The following TBC1D5 variants were observed in gnomAD, a reference collection of about 807,000 sequenced individuals.
The protein encoded by TBC1D5 is TBC1 domain family member 5, also known as TBC1 domain family, member 5.
TBC1D5 carries 75 observed loss-of-function variants against 100.3 expected under a neutral mutation model. That is an observed-to-expected ratio of 0.75 (90% CI 0.62 to 0.91). The LOEUF (loss-of-function observed/expected upper bound fraction) is 0.91. TBC1D5 is among the 40% of genes least tolerant of loss of function. The pLI, the probability that TBC1D5 is intolerant of heterozygous loss-of-function variation, is 0.00. For synonymous variants in TBC1D5, 323 were observed against 325.6 expected (o/e 0.99, Z 0.09); for missense variants, 910 against 942.4 (o/e 0.97, Z 0.45).
At chr3:17,286,730 T>C (rs538139792) in intron 15 of TBC1D5, among the ~76,000 whole-genome samples, 1 of 152,318 alleles carries the variant, frequency 6.6e-6, no homozygotes, top group South Asian at 2.1e-4. Context: ...AGAATTTCTA[T>C]GAGAAATATG....
At chr3:17,415,317 C>G (rs2094038405) in intron 4 of TBC1D5, among the ~76,000 whole-genome samples, 1 of 151,930 alleles carries the variant, frequency 6.6e-6, no homozygotes, top group African/African-American at 2.4e-5. Flanking sequence ...ACCACCACGC[C>G]CGGCGAAATT....
chr3:17,274,155 A>T (rs1700854083), intron 15 of TBC1D5, among the ~76,000 whole-genome samples: 1 of 152,212 alleles, frequency 6.6e-6, no homozygotes, highest in Non-Finnish European at 1.5e-5. Flanking sequence ...TAATTTAAAA[A>T]ACATATACAT....
At chr3:17,254,108 G>A (rs1267867068) in intron 16 of TBC1D5, among the ~76,000 whole-genome samples, 3 of 152,164 alleles carry the variant, frequency 2.0e-5, no homozygotes, top group East Asian at 1.9e-4. Context: ...CTGGTCTCTT[G>A]TTGATGGAGA....
intron 4 of TBC1D5, among the ~76,000 whole-genome samples, chr3:17,411,098 A>G (rs866907963): frequency 2.0e-5 from 3 of 152,142 alleles, no homozygotes; most frequent in South Asian, 2.1e-4. Context: ...GTTACCCCCA[A>G]CCTTCAGCAA....
intron 1 of TBC1D5, among the ~76,000 whole-genome samples, chr3:17,656,699 T>C (rs935709840): frequency 2.0e-5 from 3 of 152,190 alleles, no homozygotes; most frequent in Admixed American, 2.0e-4. Flanking sequence ...TTCATTCCAG[T>C]GTATGTCAAA....
chr3:17,650,569 G>A (rs1258290930), intron 1 of TBC1D5, among the ~76,000 whole-genome samples: 1 of 152,072 alleles, frequency 6.6e-6, no homozygotes, highest in Admixed American at 6.5e-5. Flanking sequence ...AGAGAAACCA[G>A]AAGCCAAATT....
chr3:17,599,131 C>T (rs1414802798), intron 2 of TBC1D5, among the ~76,000 whole-genome samples: 1 of 152,158 alleles, frequency 6.6e-6, no homozygotes, highest in East Asian at 1.9e-4. Context: ...GAAAGTGATA[C>T]AGACAGGAGG....
At chr3:17,537,923 C>T (rs990570070) in intron 2 of TBC1D5, among the ~76,000 whole-genome samples, 2 of 152,118 alleles carry the variant, frequency 1.3e-5, no homozygotes, top group African/African-American at 4.8e-5. Context: ...CTCAGGAGGT[C>T]CTGACGACAT....
exon 1 of TBC1D5, chr3:17,740,699 A>C (rs1036673078): frequency 8.5e-5 from 13 of 152,320 alleles, no homozygotes; most frequent in Admixed American, 3.9e-4. Context: ...AAACTCAGGA[A>C]TGCACTACTC....
At chr3:17,463,366 G>C (rs536107329) in intron 3 of TBC1D5, among the ~76,000 whole-genome samples, 1 of 152,080 alleles carries the variant, frequency 6.6e-6, no homozygotes, top group Non-Finnish European at 1.5e-5. Flanking sequence ...TACTACAGTC[G>C]ATCATCTCAA....
intron 4 of TBC1D5, among the ~76,000 whole-genome samples, chr3:17,414,271 C>A (rs2094008191): frequency 6.6e-6 from 1 of 152,100 alleles, no homozygotes; most frequent in African/African-American, 2.4e-5. Context: ...GAAAGCTGAA[C>A]TTGATTCAAA....
chr3:17,583,860 T>C (rs1356177474), intron 2 of TBC1D5, among the ~76,000 whole-genome samples: 4 of 152,184 alleles, frequency 2.6e-5, no homozygotes, highest in African/African-American at 9.7e-5. Flanking sequence ...CCTAGGTACA[T>C]ACCCATATGA....
chr3:17,568,579 T>G (rs771112084), intron 2 of TBC1D5, among the ~76,000 whole-genome samples: 18 of 151,688 alleles, frequency 1.2e-4, no homozygotes, highest in Middle Eastern at 3.4e-3. Context: ...TTTGAAATTT[T>G]TACCAGAATT....
chr3:17,298,228 G>A (rs1003101918), intron 14 of TBC1D5, among the ~76,000 whole-genome samples: 10 of 152,228 alleles, frequency 6.6e-5, no homozygotes, highest in African/African-American at 2.2e-4. Flanking sequence ...AAGTACACAA[G>A]GTATTTAAGA....
chr3:17,248,418 T>C (rs1275310573), intron 16 of TBC1D5, among the ~76,000 whole-genome samples: 1 of 152,252 alleles, frequency 6.6e-6, no homozygotes, highest in Admixed American at 6.5e-5. Flanking sequence ...ATGTTCTTAA[T>C]GGCATCCAGA....
At position 17,706,158 on chromosome 3, in the gene TBC1D5, G is replaced by A. The variant is rs1049708592; in HGVS notation, c.-101+33185C>T. On this transcript the variant is annotated intron_variant, in intron 1 of 21. Coordinates refer to ENST00000253692, the Ensembl canonical transcript of TBC1D5. ...GAGGCAAAGGCTGCAGTTGATGGGG[G>A]AGACATCGGCAGGCAGCCGCTCGAA... The A allele has an allele frequency of 2.5e-6, 4 of 1,583,172 alleles. No homozygotes were observed. The Admixed American group carries it at 5.4e-5, about 21-fold the overall frequency.
chr3:17,337,163 C>T (rs1196235575), intron 13 of TBC1D5, among the ~76,000 whole-genome samples: 1 of 141,078 alleles, frequency 7.1e-6, no homozygotes, highest in Non-Finnish European at 1.5e-5. Context: ...CTGGGCCCTA[C>T]CCACAGAGTT....
At chr3:17,413,092 T>C (rs2093979847) in intron 4 of TBC1D5, among the ~76,000 whole-genome samples, 1 of 152,210 alleles carries the variant, frequency 6.6e-6, no homozygotes, top group Non-Finnish European at 1.5e-5. Flanking sequence ...CACCTGGACC[T>C]TGAAGATTTC....
intron 18 of TBC1D5, among the ~76,000 whole-genome samples, chr3:17,192,831 A>G (rs1229211379): frequency 6.6e-6 from 1 of 152,266 alleles, no homozygotes; most frequent in Non-Finnish European, 1.5e-5. Flanking sequence ...CAGCCACTGA[A>G]GCACTGCGGT....
Sources: allele counts gnomAD v4.1 joint callset (sites outside exome capture counted in the v4.1 genomes callset), GRCh38; gene constraint gnomAD v4.1.1; transcripts MANE v1.5; gene names NCBI Gene and HGNC (gene_info 2026-07-23, HGNC 2026-07-21).